Variants in HIPK3 observed in about 807,000 individuals in gnomAD.
HIPK3 encodes homeodomain-interacting protein kinase 3.
In HIPK3, 47 loss-of-function variants were observed where a neutral mutation model predicts 124.2. That is an observed-to-expected ratio of 0.38 (90% CI 0.30 to 0.48). HIPK3 has a LOEUF of 0.48. HIPK3 is among the 20% of genes least tolerant of loss of function. The pLI is 0.98. For synonymous variants in HIPK3, 482 were observed against 515.2 expected (o/e 0.94, Z 0.87); for missense variants, 1,286 against 1,454.3 (o/e 0.88, Z 1.88).
intron 2 of HIPK3, among the ~76,000 whole-genome samples, chr11:33,296,730 G>T (rs987893504): frequency 2.6e-5 from 4 of 152,190 alleles, no homozygotes; most frequent in Non-Finnish European, 5.9e-5. Flanking sequence ...CGTAATAAAT[G>T]TGTGAGCTCC....
chr11:33,349,586 C>G (rs1248665908), intron 14 of HIPK3, among the ~76,000 whole-genome samples: 1 of 152,044 alleles, frequency 6.6e-6, no homozygotes, highest in Non-Finnish European at 1.5e-5. Context: ...GTAGCTGGGA[C>G]CACAGGTGCG....
At chr11:33,263,735 T>C (rs1162127279) in intron 1 of HIPK3, among the ~76,000 whole-genome samples, 3 of 152,314 alleles carry the variant, frequency 2.0e-5, no homozygotes, top group Middle Eastern at 3.4e-3. Flanking sequence ...AATAATAGCA[T>C]CTCTGTTTAT....
intron 2 of HIPK3, among the ~76,000 whole-genome samples, chr11:33,293,480 T>C (rs887954136): frequency 6.6e-6 from 1 of 152,134 alleles, no homozygotes; most frequent in South Asian, 2.1e-4. Context: ...CCTGTGTAGA[T>C]CATCTATTCT....
chr11:33,349,005 T>C (rs426194), intron 13 of HIPK3, 142 bp from the exon 14 acceptor site: 616,496 of 885,980 alleles, frequency 0.7, 215,815 homozygotes, highest in Non-Finnish European at 0.72. Flanking sequence ...AGCATTTTCC[T>C]TGTATCTGTA....
In HIPK3 at chr11:33,282,679, TC is replaced by T. The variant is rs1181003332; in HGVS notation, c.-2-3733del. On this transcript the variant is annotated intron_variant, in intron 1 of 16. Coordinates refer to ENST00000303296, the MANE Select transcript of HIPK3 (RefSeq NM_005734.5). ...GCCTGGGCAATAGAGCGAGACTGTA[TC>T]AAAAAAAAAAAATTATCTGTGAATT... Among the ~76,000 whole-genome samples the T allele has an allele frequency of 1.1e-4, 15 of 141,180 alleles. No individual in the cohort carries two copies. The East Asian group carries it at 2.0e-3, about 19-fold the overall frequency. The allele number at this position is 141,180 out of a possible 152,430, so 92.6% of individuals were successfully genotyped here. A position where few individuals can be genotyped will look rare whatever the true frequency, so the allele number is the denominator to read the frequency against.
At chr11:33,297,917 GT>G (rs768638060) in intron 2 of HIPK3, among the ~76,000 whole-genome samples, 1 of 151,062 alleles carries the variant, frequency 6.6e-6, no homozygotes, top group Non-Finnish European at 1.5e-5. Flanking sequence ...AGCCTCCCGA[GT>G]AGCTGGGATT....
intron 1 of HIPK3, among the ~76,000 whole-genome samples, chr11:33,283,352 C>T (rs963017013): frequency 2.0e-5 from 3 of 152,088 alleles, no homozygotes; most frequent in East Asian, 1.9e-4. Context: ...CCTCGTGATC[C>T]GCCCACCTCG....
Position 33,337,874 on chromosome 11 carries a change from A to G in HIPK3, c.1341+680A>G, listed in dbSNP as rs569360501. ...TTTTTAGTAGAGACAGGGTTTCACC[A>G]TGTTGGCCAGGCTGGTCTTGAACTC... On this transcript the variant is annotated intron_variant, in intron 4 of 16. Coordinates refer to ENST00000303296, the MANE Select transcript of HIPK3 (RefSeq NM_005734.5). 6.2e-3 allele frequency among the ~76,000 whole-genome samples: 938 copies of G among 152,000 alleles called. 9 individuals are homozygous for G. In the Middle Eastern group the frequency reaches 0.065, roughly 10 times the overall value.
At chr11:33,348,874 GA>G in intron 13 of HIPK3, 56 bp downstream of exon 13, 1 of 1,481,866 alleles carries the variant, frequency 6.7e-7, no homozygotes. Context: ...TTGGTGTGCC[GA>G]AAAACAACTT....
At chr11:33,304,364 C>T (rs112259138) in intron 2 of HIPK3, among the ~76,000 whole-genome samples, 2 of 152,116 alleles carry the variant, frequency 1.3e-5, no homozygotes, top group African/African-American at 4.8e-5. Flanking sequence ...TCGAGACCAA[C>T]CTGACGAACA....
At chr11:33,262,991 C>T (rs1850866064) in intron 1 of HIPK3, among the ~76,000 whole-genome samples, 1 of 151,990 alleles carries the variant, frequency 6.6e-6, no homozygotes. Context: ...CTAACTTTTT[C>T]ATTTCTTTTT....
At position 33,354,912 on chromosome 11, in the gene HIPK3, C is replaced by T. The variant is rs1334930905; in HGVS notation, c.*1344C>T. On this transcript the variant is annotated 3_prime_UTR_variant, in exon 17 of 17. Transcript: ENST00000303296. ...GTCTGTTTAAATGAAGTTGCTTTTA[C>T]AGCACCAAAGACTTAATCATCCATT... 1 of 151,774 alleles carries T rather than the reference C, an allele frequency of 6.6e-6. No homozygotes were observed. The highest frequency in any genetic ancestry group is 6.6e-5 in the Admixed American group (1 of 15,234). The allele number at this position is 151,774 out of a possible 1,614,324, so 9.4% of individuals were successfully genotyped here. A position where few individuals can be genotyped will look rare whatever the true frequency, so the allele number is the denominator to read the frequency against.
intron 3 of HIPK3, among the ~76,000 whole-genome samples, chr11:33,335,932 T>G (rs1414908361): frequency 6.6e-6 from 1 of 152,114 alleles, no homozygotes; most frequent in Non-Finnish European, 1.5e-5. Flanking sequence ...GAATCAATAT[T>G]TCAGGGCCTA....
intron 1 of HIPK3, among the ~76,000 whole-genome samples, chr11:33,280,560 C>T (rs545670840): frequency 3.3e-5 from 5 of 152,162 alleles, no homozygotes; most frequent in Non-Finnish European, 7.3e-5. Flanking sequence ...ATATTCCTAT[C>T]TGTGTTTATT....
intron 1 of HIPK3, 138 bp from the exon 2 acceptor site, chr11:33,286,275 A>G (rs1851547602): frequency 6.5e-6 from 5 of 769,636 alleles, no homozygotes; most frequent in Non-Finnish European, 9.7e-6. Flanking sequence ...CTTCATGGAA[A>G]TTAATTACTT....
At chr11:33,321,212 G>A (rs781457644) in intron 2 of HIPK3, among the ~76,000 whole-genome samples, 1 of 152,148 alleles carries the variant, frequency 6.6e-6, no homozygotes, top group African/African-American at 2.4e-5. Context: ...GATTGAGGAC[G>A]TAGCGAATGC....
At position 33,339,399 on chromosome 11, in the gene HIPK3, C is replaced by T; in HGVS notation, c.1478C>T (p.Ala493Val). 1 of 1,613,374 alleles carries T rather than the reference C, an allele frequency of 6.2e-7. No individual in the cohort carries two copies. Among genetic ancestry groups the T allele is most frequent in the Non-Finnish European group, 8.5e-7 (1 of 1,179,500 alleles). The change falls in exon 6 of 17, where the codon GCT becomes GTT. Residue 493 changes from alanine (A) to valine (V), a missense_variant. Physicochemically the swap from Ala to Val is moderately conservative, Grantham distance 64. Transcript: ENST00000303296. ...LEGSDLLAEKADRREFVSLLK... is the reference protein window; with the variant it reads ...LEGSDLLAEKVDRREFVSLLK... ...GGAAGTGATCTTTTGGCTGAGAAAG[C>T]TGATAGAAGAGAATTTGTTAGTCTG...
At chr11:33,263,087 C>G (rs1850868587) in intron 1 of HIPK3, among the ~76,000 whole-genome samples, 1 of 152,164 alleles carries the variant, frequency 6.6e-6, no homozygotes, top group Non-Finnish European at 1.5e-5. Flanking sequence ...TCTGGCTGGT[C>G]TTGAACTCCT....
chr11:33,282,899 G>A lies in HIPK3; in HGVS notation c.-2-3514G>A, dbSNP rs1258462159. 2.6e-5 allele frequency among the ~76,000 whole-genome samples: 4 copies of A among 152,132 alleles called. No individual in the cohort carries two copies. In the East Asian group the frequency reaches 7.7e-4, roughly 29 times the overall value. ...TCAAGACCAGCGTGGGCAATACAGT[G>A]AGACCTAGTCTCTTAGAAAAACTAT... is the stretch of plus-strand genomic sequence containing the variant. On this transcript the variant is annotated intron_variant, in intron 1 of 16. Coordinates refer to ENST00000303296, the MANE Select transcript of HIPK3 (RefSeq NM_005734.5).
Sources: gnomAD v4.1 joint callset for allele counts (sites outside exome capture counted in the v4.1 genomes callset) on GRCh38, gnomAD v4.1.1 for gene constraint, MANE v1.5 for transcripts, NCBI Gene and HGNC (gene_info 2026-07-23, HGNC 2026-07-21) for gene names.